Variants in ATP5MC2 observed in about 807,000 individuals in gnomAD.
ATP5MC2 encodes the protein ATP synthase F(0) complex subunit C2, mitochondrial.
In ATP5MC2, 11 loss-of-function variants were observed where a neutral mutation model predicts 13.5. The ratio of observed to expected loss-of-function variants is 0.81; its 90% confidence interval spans 0.51 to 1.35. The LOEUF (loss-of-function observed/expected upper bound fraction) is 1.35. ATP5MC2 is among the 40% of genes most tolerant of loss of function. The pLI is 0.00. For missense variants in ATP5MC2, 132 were observed against 175.0 expected, an observed-to-expected ratio of 0.75 and a Z score of 1.39; for synonymous variants, 64 against 69.7, an observed-to-expected ratio of 0.92 and a Z score of 0.41.
chr12:53,666,911 A>G (rs889131034), intron 4 of ATP5MC2, among the ~76,000 whole-genome samples: 3 of 147,038 alleles, frequency 2.0e-5, no homozygotes, highest in African/African-American at 7.6e-5. Context: ...GTGCCACTGC[A>G]CTTCAGTCTG....
chr12:53,672,314 T>G (rs1945124170), intron 2 of ATP5MC2, among the ~76,000 whole-genome samples: 1 of 152,036 alleles, frequency 6.6e-6, no homozygotes, highest in African/African-American at 2.4e-5. Flanking sequence ...CTCTACCTCC[T>G]GGGTTCAAGC....
At chr12:53,679,603 TTTTC>T (rs1400416667), upstream of ATP5MC2, among the ~76,000 whole-genome samples, 1 of 152,238 alleles carries the variant, frequency 6.6e-6, no homozygotes, top group Non-Finnish European at 1.5e-5. Flanking sequence ...CTTTCCAGGA[TTTTC>T]TTTCTTTCTG....
chr12:53,670,968 A>G (rs1945079083), intron 2 of ATP5MC2, among the ~76,000 whole-genome samples: 1 of 122,670 alleles, frequency 8.2e-6, no homozygotes, highest in Non-Finnish European at 1.6e-5. Flanking sequence ...GCATCATCAT[A>G]AAGTTAAAAA....
At chr12:53,677,904 T>C (rs1945313808), upstream of ATP5MC2, among the ~76,000 whole-genome samples, 1 of 152,210 alleles carries the variant, frequency 6.6e-6, no homozygotes, top group South Asian at 2.1e-4. Flanking sequence ...TCTTTTAAGC[T>C]GTCAGCTTCA....
intron 4 of ATP5MC2, among the ~76,000 whole-genome samples, chr12:53,667,703 G>C (rs1276924331): frequency 6.6e-6 from 1 of 151,428 alleles, no homozygotes; most frequent in Non-Finnish European, 1.5e-5. Flanking sequence ...CACCATGTTG[G>C]CCAGGCTAGT....
chr12:53,669,775 G>A, intron 3 of ATP5MC2, 96 bp downstream of exon 3: 1 of 1,322,378 alleles, frequency 7.6e-7, no homozygotes, highest in South Asian at 1.2e-5. Flanking sequence ...TTTAGCCTGT[G>A]ATGACTGTCC....
chr12:53,672,530 CA>C, intron 2 of ATP5MC2, 45 bp downstream of exon 2: 1 of 1,513,546 alleles, frequency 6.6e-7, no homozygotes, highest in Non-Finnish European at 9.0e-7. Context: ...AAGAGAGAGA[CA>C]AGATGTCTCT....
upstream of ATP5MC2, among the ~76,000 whole-genome samples, chr12:53,681,337 C>G (rs1319663138): frequency 7.9e-4 from 119 of 151,334 alleles, 1 homozygote; most frequent in Non-Finnish European, 1.2e-4. Flanking sequence ...ACCAGCCTGG[C>G]CAACGTGGTG....
intron 4 of ATP5MC2, among the ~76,000 whole-genome samples, chr12:53,665,804 T>C (rs1944897684): frequency 6.6e-6 from 1 of 152,168 alleles, no homozygotes; most frequent in South Asian, 2.1e-4. Context: ...AACTCCAATA[T>C]AGTAAACATC....
rs777210424 is a variant in ATP5MC2, at chr12:53,676,034, C to G, written c.-32+19G>C. 6.2e-7 allele frequency: 1 copy of G among 1,611,872 alleles called. No homozygotes were observed. Among genetic ancestry groups the G allele is most frequent in the Non-Finnish European group, 8.5e-7 (1 of 1,179,322 alleles). On this transcript the variant is annotated intron_variant, in intron 1 of 4. Coordinates refer to ENST00000394349, the MANE Select transcript of ATP5MC2 (RefSeq NM_005176.7). ...GCGCGTGCGCAGCGCACAGAGGGCT[C>G]TAGGTCCCAAGGCCTTACCTGCTCC... is the stretch of plus-strand genomic sequence containing the variant.
At chr12:53,671,003 G>A (rs1488360533) in intron 2 of ATP5MC2, among the ~76,000 whole-genome samples, 1 of 128,792 alleles carries the variant, frequency 7.8e-6, no homozygotes, top group African/African-American at 3.2e-5. Context: ...CTAAAGTTGG[G>A]GGCCTTCTGT....
chr12:53,676,340 T>A (rs921418501), upstream of ATP5MC2: 4 of 1,235,040 alleles, frequency 3.2e-6, no homozygotes, highest in Admixed American at 1.1e-4. Flanking sequence ...CGGTTTGGTC[T>A]GTACCGCGTT....
upstream of ATP5MC2, chr12:53,676,551 G>A (rs915272269): frequency 2.3e-5 from 5 of 218,826 alleles, no homozygotes; most frequent in Admixed American, 5.3e-5. Flanking sequence ...CCGGCTCCAT[G>A]GGCGAATAGT....
intron 4 of ATP5MC2, among the ~76,000 whole-genome samples, chr12:53,667,988 T>A (rs1313589573): frequency 3.4e-5 from 3 of 88,554 alleles, no homozygotes; most frequent in African/African-American, 4.4e-5. Flanking sequence ...TATATATATA[T>A]ATATATAAAT....
At chr12:53,679,279 G>GAGAGAGAGAGAGAGAGAGAGAGAC (rs1259614045), upstream of ATP5MC2, among the ~76,000 whole-genome samples, 1 of 135,268 alleles carries the variant, frequency 7.4e-6, no homozygotes, top group African/African-American at 2.7e-5. Flanking sequence ...GAGAGAGAGA[G>GAGAGAGAGAGAGAGAGAGAGAGAC]ACCAGGGCAC....
chr12:53,670,883 A>C lies in ATP5MC2; in HGVS notation c.40-935T>G, dbSNP rs185990564. On this transcript the variant is annotated intron_variant, in intron 2 of 4. Transcript: ENST00000394349. ...GGTGATCCACCCACCTCGGCTTCCC[A>C]AGGTGCTGGGATTACAGGCATGAGC... 5.7e-3 allele frequency among the ~76,000 whole-genome samples: 870 copies of C among 152,192 alleles called. 7 individuals are homozygous for C. The highest frequency in any genetic ancestry group is 0.01 in the Non-Finnish European group (683 of 68,014).
Position 53,665,436 on chromosome 12 carries a change from AAGG to A in ATP5MC2, c.312-11_312-9del, listed in dbSNP as rs775314205. On this transcript the variant is annotated splice_polypyrimidine_tract_variant and intron_variant, in intron 4 of 4. Coordinates refer to ENST00000394349, the MANE Select transcript of ATP5MC2 (RefSeq NM_005176.7). The stretch of plus-strand genomic sequence containing the variant: ...TGCTTCAGAGAAGGGTTCCTGGTAG[AAGG>A]AGAAGAGAAAAGACTGAATTTCTAG... 3.7e-6 allele frequency: 6 copies of A among 1,603,974 alleles called. No individual in the cohort carries two copies. The highest frequency in any genetic ancestry group is 5.1e-6 in the Non-Finnish European group (6 of 1,170,782).
At position 53,676,064 on chromosome 12, in the gene ATP5MC2, G is replaced by C. The variant is rs1445540325; in HGVS notation, c.-43C>G. On this transcript the variant is annotated 5_prime_UTR_variant, in exon 1 of 5. Coordinates refer to ENST00000394349, the MANE Select transcript of ATP5MC2 (RefSeq NM_005176.7). Reference sequence around the variant, plus strand: ...TCCCAAGGCCTTACCTGCTCCCACTGCAGAGAAGACAGAGAGGGGCGGAGC... The same window carrying C: ...TCCCAAGGCCTTACCTGCTCCCACTCCAGAGAAGACAGAGAGGGGCGGAGC... 1.2e-6 allele frequency: 2 copies of C among 1,614,056 alleles called. No individual in the cohort carries two copies.
At chr12:53,669,431 T>C in intron 3 of ATP5MC2, 90 bp from the exon 4 acceptor site, 3 of 1,456,708 alleles carry the variant, frequency 2.1e-6, no homozygotes, top group Non-Finnish European at 2.7e-6. Flanking sequence ...AATCCCATTG[T>C]TTCTCCCCCA....
Sources: allele counts gnomAD v4.1 joint callset (sites outside exome capture counted in the v4.1 genomes callset), GRCh38; gene constraint gnomAD v4.1.1; transcripts MANE v1.5; gene names NCBI Gene and HGNC (gene_info 2026-07-23, HGNC 2026-07-21).